The following CDH13 variants were observed in gnomAD, a reference collection of about 807,000 sequenced individuals.
CDH13 encodes cadherin 13, also known as cadherin-13.
In CDH13, 24 loss-of-function variants were observed where a neutral mutation model predicts 63.8. That is an observed-to-expected ratio of 0.38 (90% CI 0.27 to 0.53). The LOEUF is 0.53. Ranked by LOEUF, CDH13 falls within the 20% of genes least tolerant of loss-of-function variation. The pLI, the probability that CDH13 is intolerant of heterozygous loss-of-function variation, is 0.85. For missense variants in CDH13, 1,049 were observed against 903.1 expected (o/e 1.16, Z -2.07); for synonymous variants, 503 against 355.3 (o/e 1.42, Z -4.67).
At chr16:82,920,343 A>G (rs1439741477) in intron 2 of CDH13, among the ~76,000 whole-genome samples, 1 of 152,244 alleles carries the variant, frequency 6.6e-6, no homozygotes, top group Non-Finnish European at 1.5e-5. Flanking sequence ...TCCATCCTTC[A>G]GAGAAACTCC....
intron 10 of CDH13, among the ~76,000 whole-genome samples, chr16:83,713,375 T>C (rs1908358627): frequency 6.6e-6 from 1 of 152,172 alleles, no homozygotes; most frequent in African/African-American, 2.4e-5. Context: ...TCCGACTTAT[T>C]TTTGACAAAG....
chr16:83,705,553 C>G (rs1179248456), intron 10 of CDH13, among the ~76,000 whole-genome samples: 1 of 151,962 alleles, frequency 6.6e-6, no homozygotes, highest in Non-Finnish European at 1.5e-5. Flanking sequence ...ACCCGGGAGG[C>G]GGAGCTTGCA....
intron 1 of CDH13, among the ~76,000 whole-genome samples, chr16:82,685,001 G>T (rs987036135): frequency 1.3e-5 from 2 of 150,770 alleles, no homozygotes; most frequent in Admixed American, 6.6e-5. Flanking sequence ...GCCAAGGTGG[G>T]CACCACTTGA....
intron 5 of CDH13, among the ~76,000 whole-genome samples, chr16:83,321,695 A>AT (rs1232906638): frequency 6.6e-6 from 1 of 151,728 alleles, no homozygotes; most frequent in Admixed American, 6.6e-5. Context: ...TGCCCAGCTA[A>AT]TTTTTTGTAT....
chr16:82,879,878 A>G (rs1366399136), intron 2 of CDH13, among the ~76,000 whole-genome samples: 3 of 143,698 alleles, frequency 2.1e-5, no homozygotes, highest in South Asian at 4.2e-4. Flanking sequence ...ATCTAAATAT[A>G]TGTTATATTT....
intron 8 of CDH13, among the ~76,000 whole-genome samples, chr16:83,608,932 A>T (rs1490849350): frequency 2.0e-5 from 3 of 152,154 alleles, no homozygotes; most frequent in Admixed American, 2.0e-4. Flanking sequence ...ATTACATAAG[A>T]TCATTGTCTA....
At chr16:83,435,794 C>T (rs2072279499) in intron 6 of CDH13, among the ~76,000 whole-genome samples, 2 of 151,536 alleles carry the variant, frequency 1.3e-5, no homozygotes, top group South Asian at 2.1e-4. Flanking sequence ...TAGAGTTGTC[C>T]TTCTGCATTT....
At chr16:82,956,401 A>G (rs1198579895) in intron 2 of CDH13, among the ~76,000 whole-genome samples, 1 of 152,076 alleles carries the variant, frequency 6.6e-6, no homozygotes, top group Non-Finnish European at 1.5e-5. Context: ...ATTATTTTCA[A>G]GCTCAGATGT....
At chr16:82,737,418 C>T (rs151122416) in intron 1 of CDH13, among the ~76,000 whole-genome samples, 1 of 152,182 alleles carries the variant, frequency 6.6e-6, no homozygotes, top group Non-Finnish European at 1.5e-5. Context: ...TGTGTGATAC[C>T]ACAGCGTCTG....
intron 10 of CDH13, among the ~76,000 whole-genome samples, chr16:83,722,714 A>G (rs1403791441): frequency 6.6e-6 from 1 of 152,246 alleles, no homozygotes; most frequent in African/African-American, 2.4e-5. Flanking sequence ...GTCTTTGTCC[A>G]GCAGAGTCAC....
chr16:83,712,485 G>C (rs979348151), intron 10 of CDH13, among the ~76,000 whole-genome samples: 1 of 152,190 alleles, frequency 6.6e-6, no homozygotes, highest in Non-Finnish European at 1.5e-5. Context: ...TGTCTTTACA[G>C]AAGGAAATAT....
rs141651646 is a variant in CDH13 at position 83,157,700 on chromosome 16, C to T, written c.483+32199C>T. On this transcript the variant is annotated intron_variant, in intron 4 of 13. Transcript: ENST00000567109. Reference sequence around the variant, plus strand: ...ACAAAGTTAGGAGATTTAGAACATCCGGGCTAACAGGGTGAAACCCCGTCT... The same window carrying T: ...ACAAAGTTAGGAGATTTAGAACATCTGGGCTAACAGGGTGAAACCCCGTCT... Among the ~76,000 whole-genome samples the T allele has an allele frequency of 7.9e-3, 1,169 of 148,292 alleles. 17 individuals are homozygous for T. Among genetic ancestry groups the T allele is most frequent in the African/African-American group, 0.028 (1,110 of 40,248 alleles).
chr16:82,777,001 C>A (rs902191503), intron 1 of CDH13, among the ~76,000 whole-genome samples: 1 of 152,136 alleles, frequency 6.6e-6, no homozygotes, highest in Non-Finnish European at 1.5e-5. Context: ...AGTGCAGTGA[C>A]GTGATGCAAT....
intron 7 of CDH13, among the ~76,000 whole-genome samples, chr16:83,552,298 C>G (rs531306060): frequency 6.6e-6 from 1 of 152,118 alleles, no homozygotes; most frequent in Non-Finnish European, 1.5e-5. Flanking sequence ...AATGGGAGGC[C>G]AGAACCCAGC....
intron 5 of CDH13, among the ~76,000 whole-genome samples, chr16:83,297,385 C>G (rs1036473367): frequency 1.3e-5 from 2 of 151,852 alleles, no homozygotes; most frequent in Non-Finnish European, 2.9e-5. Flanking sequence ...TATTATGTGT[C>G]AATTAAAAAA....
intron 10 of CDH13, among the ~76,000 whole-genome samples, chr16:83,679,894 T>C (rs1312788880): frequency 6.6e-6 from 1 of 152,160 alleles, no homozygotes; most frequent in Non-Finnish European, 1.5e-5. Flanking sequence ...CAACTTGGGA[T>C]GCTGCCAGTC....
At chr16:82,947,850 C>A (rs914169495) in intron 2 of CDH13, among the ~76,000 whole-genome samples, 1 of 152,054 alleles carries the variant, frequency 6.6e-6, no homozygotes, top group Admixed American at 6.6e-5. Context: ...AAAATGGAAA[C>A]CCTGACAAGA....
intron 4 of CDH13, among the ~76,000 whole-genome samples, chr16:83,212,941 C>T (rs1264667139): frequency 2.0e-5 from 3 of 152,188 alleles, no homozygotes; most frequent in Non-Finnish European, 4.4e-5. Flanking sequence ...AAGTGACACC[C>T]ACCATTTCCC....
chr16:83,540,565 G>C (rs1342213125), intron 7 of CDH13, among the ~76,000 whole-genome samples: 1 of 152,134 alleles, frequency 6.6e-6, no homozygotes, highest in Non-Finnish European at 1.5e-5. Context: ...CTTTAAAACA[G>C]TTTCTTTTGT....
Sources: allele counts gnomAD v4.1 joint callset (sites outside exome capture counted in the v4.1 genomes callset), GRCh38; gene constraint gnomAD v4.1.1; transcripts MANE v1.5; gene names NCBI Gene and HGNC (gene_info 2026-07-23, HGNC 2026-07-21).